Variants in OSGIN1 observed in about 807,000 individuals in gnomAD.
OSGIN1 encodes the protein oxidative stress-induced growth inhibitor 1.
OSGIN1 carries 19 observed loss-of-function variants against 20.1 expected under a neutral mutation model. The ratio of observed to expected loss-of-function variants is 0.95; its 90% CI spans 0.66 to 1.39. The LOEUF (loss-of-function observed/expected upper bound fraction) is 1.39, where lower values mean the gene tolerates loss of function less well. Among genes scored for constraint, OSGIN1 ranks in the 40% most tolerant of loss-of-function variants. OSGIN1 has a pLI of 0.00. For missense variants in OSGIN1, 820 were observed against 653.0 expected, an observed-to-expected ratio of 1.26 and a Z score of -2.79; for synonymous variants, 368 against 297.8, an observed-to-expected ratio of 1.24 and a Z score of -2.43.
At chr16:83,954,727 C>G in intron 1 of OSGIN1, 1 of 982,096 alleles carries the variant, frequency 1.0e-6, no homozygotes. Flanking sequence ...CAGGAGGGAG[C>G]CCTGGACTTG....
At chr16:83,962,523 G>C (rs952305839) in intron 5 of OSGIN1, among the ~76,000 whole-genome samples, 3 of 152,242 alleles carry the variant, frequency 2.0e-5, no homozygotes, top group Non-Finnish European at 4.4e-5. Context: ...TTACAGGCGT[G>C]AGCCACCACG....
intron 1 of OSGIN1, among the ~76,000 whole-genome samples, chr16:83,953,787 G>C (rs886434461): frequency 2.6e-5 from 4 of 152,200 alleles, no homozygotes; most frequent in African/African-American, 9.7e-5. Flanking sequence ...CAGAGCCCTT[G>C]GGTGCCCATG....
chr16:83,962,577 C>G (rs2084229047), intron 5 of OSGIN1, among the ~76,000 whole-genome samples: 1 of 152,224 alleles, frequency 6.6e-6, no homozygotes, highest in African/African-American at 2.4e-5. Flanking sequence ...TGAAGACGCA[C>G]AACCATGACA....
At position 83,965,743 on chromosome 16, in the gene OSGIN1, C is replaced by T. The variant is rs144869016; in HGVS notation, c.1170C>T (p.Ser390=). The T allele has an allele frequency of 9.4e-5, 151 of 1,613,476 alleles. No homozygotes were observed. In the African/African-American group the frequency reaches 1.8e-3, roughly 19 times the overall value. The part of the protein sequence containing the change: ...LEGVEKVFGV[S]LVLVLIGSHP... Reference sequence around the variant, plus strand: ...GTGTCGAGAAGGTGTTTGGGGTCTCCCTGGTGCTGGTCCTCATCGGCTCCC... The same window carrying T: ...GTGTCGAGAAGGTGTTTGGGGTCTCTCTGGTGCTGGTCCTCATCGGCTCCC... The change falls in exon 6 of 6, where the codon TCC becomes TCT. Residue 390 remains serine, a synonymous_variant. Coordinates refer to ENST00000393306, the MANE Select transcript of OSGIN1 (RefSeq NM_182981.3).
chr16:83,959,533 C>T, intron 3 of OSGIN1, 137 bp downstream of exon 3: 1 of 852,764 alleles, frequency 1.2e-6, no homozygotes, highest in Non-Finnish European at 1.8e-6. Flanking sequence ...TCCACAAAGT[C>T]AGCCACGGAG....
intron 1 of OSGIN1, among the ~76,000 whole-genome samples, chr16:83,956,060 C>G (rs1296330587): frequency 1.3e-5 from 2 of 152,216 alleles, no homozygotes; most frequent in Non-Finnish European, 2.9e-5. Context: ...GGTGACAGGG[C>G]TCACCTCTCA....
chr16:83,965,330 GC>G lies in OSGIN1; in HGVS notation c.760del (p.Arg254GlyfsTer28), dbSNP rs1567658695. Reference sequence around the variant, plus strand: ...CGCCACAGGCACGTTCGACAGCCCGGCCCGGCTGGGCATCCCCGGGGAGGCC... The same window carrying G: ...CGCCACAGGCACGTTCGACAGCCCGGCCGGCTGGGCATCCCCGGGGAGGCC... ...VLATGTFDSP[A>X]RLGIPGEALP... is the part of the protein sequence containing the mutation. On this transcript the variant is annotated frameshift_variant, in exon 6 of 6. Coordinates refer to ENST00000393306, the MANE Select transcript of OSGIN1 (RefSeq NM_182981.3). LOFTEE classifies it low-confidence loss of function (END_TRUNC). 1 of 1,574,554 alleles carries G rather than the reference GC, an allele frequency of 6.4e-7. No homozygotes were observed. The highest frequency in any genetic ancestry group is 8.6e-7 in the Non-Finnish European group (1 of 1,160,670).
chr16:83,965,320 C>G lies in OSGIN1; in HGVS notation c.747C>G (p.Phe249Leu), dbSNP rs760343662. 1 of 1,581,476 alleles carries G rather than the reference C, an allele frequency of 6.3e-7. No homozygotes were observed. Among genetic ancestry groups the G allele is most frequent in the Non-Finnish European group, 8.6e-7 (1 of 1,163,466 alleles). ...ARNVVLATGTFDSPARLGIPG... is the reference protein window; with the variant it reads ...ARNVVLATGTLDSPARLGIPG... ...ACGTGGTCCTCGCCACAGGCACGTT[C>G]GACAGCCCGGCCCGGCTGGGCATCC... The change falls in exon 6 of 6, where the codon TTC (phenylalanine) becomes TTG (leucine). Residue 249 changes from phenylalanine (F) to leucine (L), a missense_variant. Phe to Leu is a conservative substitution (Grantham distance 22, BLOSUM62 0). Transcript: ENST00000393306.
In OSGIN1 at chr16:83,966,049, G is replaced by A. The variant is rs774117845; in HGVS notation, c.*42G>A. Reference sequence around the variant, plus strand: ...CTGGCTCCCAGGCCCTGAGAGGACAGAGATGACCACATCCCTGCTGGATGC... The same window carrying A: ...CTGGCTCCCAGGCCCTGAGAGGACAAAGATGACCACATCCCTGCTGGATGC... On this transcript the variant is annotated 3_prime_UTR_variant, in exon 6 of 6. Transcript: ENST00000393306. 7 of 1,405,580 alleles carry A rather than the reference G, an allele frequency of 5.0e-6. No individual in the cohort carries two copies. The highest frequency in any genetic ancestry group is 6.6e-6 in the Non-Finnish European group (7 of 1,055,802). 87.1% of individuals were successfully genotyped at this position (1,405,580 alleles called of 1,614,324 possible). A position where few individuals can be genotyped will look rare whatever the true frequency, so the allele number is the denominator to read the frequency against.
At chr16:83,961,857 A>G (rs1180007415) in intron 5 of OSGIN1, among the ~76,000 whole-genome samples, 1 of 152,158 alleles carries the variant, frequency 6.6e-6, no homozygotes. Flanking sequence ...CCTCTGGCAC[A>G]GGTCCCCCAG....
At chr16:83,962,469 C>G (rs376640832) in intron 5 of OSGIN1, among the ~76,000 whole-genome samples, 255 of 152,304 alleles carry the variant, frequency 1.7e-3, no homozygotes, top group African/African-American at 5.7e-3. Flanking sequence ...TCTCGATCTC[C>G]TGATCTCGTG....
At chr16:83,961,536 C>CT (rs1391078588) in intron 5 of OSGIN1, among the ~76,000 whole-genome samples, 2 of 152,156 alleles carry the variant, frequency 1.3e-5, no homozygotes, top group Non-Finnish European at 2.9e-5. Flanking sequence ...TTCCCTTTAG[C>CT]TTAGTGATTT....
At chr16:83,957,597 C>A in intron 1 of OSGIN1, 43 bp from the exon 2 acceptor site, 1 of 996,624 alleles carries the variant, frequency 1.0e-6, no homozygotes, top group Non-Finnish European at 1.6e-6. Context: ...GACACCCAGG[C>A]CTCACCCGAA....
chr16:83,957,930 G>A (rs1222156069), intron 2 of OSGIN1, among the ~76,000 whole-genome samples, 192 bp downstream of exon 2: 1 of 152,066 alleles, frequency 6.6e-6, no homozygotes, highest in East Asian at 1.9e-4. Context: ...AGGCTGGAGT[G>A]CAGTAGTGCA....
chr16:83,957,229 C>A, intron 1 of OSGIN1: 1 of 174,168 alleles, frequency 5.7e-6, no homozygotes, highest in South Asian at 1.1e-4. Context: ...GTCCACCAGG[C>A]CACACTGGGA....
rs557432863 is a variant in OSGIN1, at chr16:83,954,919, G to A, written c.-33+1549G>A. 6.6e-5 allele frequency among the ~76,000 whole-genome samples: 10 copies of A among 152,366 alleles called. No homozygotes were observed. In the South Asian group the frequency reaches 1.0e-3, roughly 16 times the overall value. ...CATGGCCCAGGGTGGGCGCACTGGG[G>A]CAGATGGAGCAGGTTGGCTCACTCG... On this transcript the variant is annotated intron_variant, in intron 1 of 5. Transcript: ENST00000393306.
chr16:83,954,962 G>T (rs186120313), intron 1 of OSGIN1, among the ~76,000 whole-genome samples: 2 of 152,222 alleles, frequency 1.3e-5, no homozygotes, highest in Non-Finnish European at 2.9e-5. Context: ...AAGGGGCTGG[G>T]GTGCCTGGGG....
At position 83,957,744 on chromosome 16, in the gene OSGIN1, T is replaced by C; in HGVS notation, c.67+6T>C. 1 of 1,560,740 alleles carries C rather than the reference T, an allele frequency of 6.4e-7. No homozygotes were observed. Among genetic ancestry groups the C allele is most frequent in the South Asian group, 1.2e-5 (1 of 86,294 alleles). On this transcript the variant is annotated splice_donor_region_variant and intron_variant, in intron 2 of 5. Coordinates refer to ENST00000393306, the MANE Select transcript of OSGIN1 (RefSeq NM_182981.3). ...CCTCCCGGTCATCATTGTGGGTGAGTGTCAGGCCCCAGCCAGGGAGGGGCT... is the reference window on the plus strand; with the variant it reads ...CCTCCCGGTCATCATTGTGGGTGAGCGTCAGGCCCCAGCCAGGGAGGGGCT...
At chr16:83,955,537 G>A (rs1316501715) in intron 1 of OSGIN1, among the ~76,000 whole-genome samples, 1 of 152,186 alleles carries the variant, frequency 6.6e-6, no homozygotes, top group Non-Finnish European at 1.5e-5. Context: ...AAACTATAAA[G>A]GGCGGTGAGA....
Sources: allele counts gnomAD v4.1 joint callset (sites outside exome capture counted in the v4.1 genomes callset), GRCh38; gene constraint gnomAD v4.1.1; transcripts MANE v1.5; gene names NCBI Gene and HGNC (gene_info 2026-07-23, HGNC 2026-07-21).